The following SAMD5 variants were observed in gnomAD, a reference collection of about 807,000 sequenced individuals.
The protein encoded by SAMD5 is sterile alpha motif domain containing 5, also known as sterile alpha motif domain-containing protein 5.
SAMD5 carries 13 observed loss-of-function variants against 11.3 expected under a neutral mutation model. The observed-to-expected ratio is 1.15, with a 90% confidence interval of 0.75 to 1.83. The LOEUF (loss-of-function observed/expected upper bound fraction) is 1.83, where lower values mean the gene tolerates loss of function less well. SAMD5 is among the 40% of genes most tolerant of loss of function. The probability of loss-of-function intolerance (pLI) is 0.00; values close to 1 mark genes in which losing one functional copy is unlikely to be tolerated. For missense variants in SAMD5, 255 were observed against 239.1 expected, an observed-to-expected ratio of 1.07 and a Z score of -0.44; for synonymous variants, 129 against 111.3, an observed-to-expected ratio of 1.16 and a Z score of -1.00.
the SAMD5 span, among the ~76,000 whole-genome samples, chr6:147,786,323 AAC>A: frequency 1.3e-5 from 2 of 152,188 alleles, no homozygotes; most frequent in Non-Finnish European, 1.5e-5. Context: ...ATCCTTGGAA[AAC>A]ACTATTTTTT....
the SAMD5 span, among the ~76,000 whole-genome samples, chr6:147,842,602 C>T: frequency 1.3e-5 from 2 of 151,982 alleles, no homozygotes; most frequent in South Asian, 4.2e-4. Flanking sequence ...GAAGACCTGG[C>T]ATGCTTGAAA....
At chr6:147,870,431 G>GGTGTGTGTGTGTGTGTGAGTGTGTGTGT in the SAMD5 span, among the ~76,000 whole-genome samples, 1 of 138,302 alleles carries the variant, frequency 7.2e-6, no homozygotes, top group Non-Finnish European at 1.6e-5. Context: ...CATCCCCTTT[G>GGTGTGTGTGTGTGTGTGAGTGTGTGTGT]GTGTGTGTGT....
chr6:147,596,619 C>G (rs897854145), intron 1 of SAMD5, among the ~76,000 whole-genome samples: 1 of 152,108 alleles, frequency 6.6e-6, no homozygotes, highest in Non-Finnish European at 1.5e-5. Context: ...TCTCTTTCCC[C>G]AATTATTAAT....
At chr6:147,917,716 T>A in the SAMD5 span, among the ~76,000 whole-genome samples, 4 of 152,216 alleles carry the variant, frequency 2.6e-5, no homozygotes, top group Admixed American at 1.3e-4. Flanking sequence ...CTTTAGTCCA[T>A]CTTGAATTAA....
At chr6:147,719,578 G>T (rs1791517599) in intron 1 of SAMD5, among the ~76,000 whole-genome samples, 1 of 152,020 alleles carries the variant, frequency 6.6e-6, no homozygotes, top group African/African-American at 2.4e-5. Context: ...ATTGGCTACT[G>T]CTATCCCTCC....
At chr6:147,786,396 A>G in the SAMD5 span, among the ~76,000 whole-genome samples, 1 of 152,336 alleles carries the variant, frequency 6.6e-6, no homozygotes, top group African/African-American at 2.4e-5. Context: ...AGTGATCTGC[A>G]GTCTAATTTA....
chr6:147,658,913 A>G (rs1790608248), intron 1 of SAMD5, among the ~76,000 whole-genome samples: 1 of 152,228 alleles, frequency 6.6e-6, no homozygotes, highest in African/African-American at 2.4e-5. Flanking sequence ...AGAGATGAGG[A>G]AACAGGCACA....
At chr6:147,733,433 G>T (rs1408134409) in intron 1 of SAMD5, among the ~76,000 whole-genome samples, 1 of 152,118 alleles carries the variant, frequency 6.6e-6, no homozygotes, top group Non-Finnish European at 1.5e-5. Flanking sequence ...GGTTTGCTGT[G>T]GTTTGGGGAT....
At chr6:147,611,073 T>C (rs1789777755) in intron 1 of SAMD5, among the ~76,000 whole-genome samples, 1 of 152,036 alleles carries the variant, frequency 6.6e-6, no homozygotes, top group African/African-American at 2.4e-5. Flanking sequence ...TTTTTCACCA[T>C]GTTGGCCAGA....
chr6:147,809,071 C>G, the SAMD5 span, among the ~76,000 whole-genome samples: 3 of 152,110 alleles, frequency 2.0e-5, no homozygotes, highest in Non-Finnish European at 2.9e-5. Context: ...AATTTAACAT[C>G]TTATAGTAAA....
At chr6:147,913,092 A>G in the SAMD5 span, among the ~76,000 whole-genome samples, 1 of 152,188 alleles carries the variant, frequency 6.6e-6, no homozygotes, top group Non-Finnish European at 1.5e-5. Flanking sequence ...TACATATTGG[A>G]AAAATATAAT....
chr6:147,647,004 A>G (rs1377154346), intron 1 of SAMD5, among the ~76,000 whole-genome samples: 2 of 135,142 alleles, frequency 1.5e-5, no homozygotes, highest in African/African-American at 5.8e-5. Flanking sequence ...AATAATAATA[A>G]TAATAATAAT....
At chr6:147,693,301 G>A (rs1279615980) in intron 1 of SAMD5, among the ~76,000 whole-genome samples, 3 of 152,218 alleles carry the variant, frequency 2.0e-5, no homozygotes, top group African/African-American at 4.8e-5. Flanking sequence ...GGTGCGGTGA[G>A]GAATGGGAGG....
intron 1 of SAMD5, among the ~76,000 whole-genome samples, chr6:147,613,159 AAAAT>A: frequency 6.6e-6 from 1 of 150,408 alleles, no homozygotes; most frequent in East Asian, 1.9e-4. Context: ...TCAAAAATCA[AAAAT>A]AAATAAAAAT....
At chr6:147,854,388 A>C in the SAMD5 span, among the ~76,000 whole-genome samples, 3 of 152,182 alleles carry the variant, frequency 2.0e-5, no homozygotes, top group Admixed American at 2.0e-4. Context: ...ATATCTTCAC[A>C]TTTTTAAGAA....
At chr6:147,689,410 G>A (rs1791067135) in intron 1 of SAMD5, among the ~76,000 whole-genome samples, 1 of 149,404 alleles carries the variant, frequency 6.7e-6, no homozygotes, top group Non-Finnish European at 1.5e-5. Flanking sequence ...AAAATCTAAT[G>A]AATCTCTCTG....
intron 1 of SAMD5, among the ~76,000 whole-genome samples, chr6:147,694,428 G>A (rs1437859986): frequency 6.6e-6 from 1 of 152,216 alleles, no homozygotes; most frequent in East Asian, 1.9e-4. Context: ...CTCATGGGAT[G>A]TGATAGGTTG....
intron 1 of SAMD5, among the ~76,000 whole-genome samples, chr6:147,612,846 C>T (rs1340756501): frequency 6.6e-6 from 1 of 152,150 alleles, no homozygotes; most frequent in Non-Finnish European, 1.5e-5. Context: ...TGACATGACT[C>T]AGTCTTCCCT....
At chr6:147,942,361 G>A in the SAMD5 span, among the ~76,000 whole-genome samples, 2 of 152,118 alleles carry the variant, frequency 1.3e-5, no homozygotes, top group African/African-American at 4.8e-5. Flanking sequence ...CTAACAATTG[G>A]ACTCCCTGAA....
Sources: allele counts gnomAD v4.1 joint callset (sites outside exome capture counted in the v4.1 genomes callset), GRCh38; gene constraint gnomAD v4.1.1; transcripts MANE v1.5; gene names NCBI Gene and HGNC (gene_info 2026-07-23, HGNC 2026-07-21).